ATP13A4: variants seen among roughly 807,000 people sequenced by gnomAD.
The protein encoded by ATP13A4 is ATPase 13A4.
A neutral mutation model predicts 142.5 loss-of-function variants in ATP13A4; 114 were observed. The observed-to-expected ratio is 0.80, with a 90% CI of 0.69 to 0.93. ATP13A4 has a LOEUF of 0.93. ATP13A4 is among the 40% of genes least tolerant of loss of function. ATP13A4 has a pLI of 0.00. For missense variants in ATP13A4, 1,392 were observed against 1,454.0 expected, an observed-to-expected ratio of 0.96 and a Z score of 0.69; for synonymous variants, 488 against 514.8, an observed-to-expected ratio of 0.95 and a Z score of 0.70.
chr3:193,452,955 T>C (rs1017635757), intron 17 of ATP13A4, among the ~76,000 whole-genome samples: 4 of 152,070 alleles, frequency 2.6e-5, no homozygotes, highest in African/African-American at 9.7e-5. Flanking sequence ...TTGTACTGTT[T>C]TTTTCAGAGT....
rs967037476 is a variant in ATP13A4 at position 193,457,138 on chromosome 3, T to C, written c.1777A>G (p.Ile593Val). Residue 593 changes from isoleucine to valine, a missense_variant, in exon 16 of 30, where the codon ATT becomes GTT. Coordinates refer to ENST00000342695, the MANE Select transcript of ATP13A4 (RefSeq NM_032279.4). ...RTASQVPVEG[I>V]AILHQFPFSS... Reference sequence around the variant, plus strand: ...AATGGGAACTGATGCAGGATTGCAATTCCTTCCACTGGGACCTGGTTGAGG... The same window carrying C: ...AATGGGAACTGATGCAGGATTGCAACTCCTTCCACTGGGACCTGGTTGAGG... The C allele has an allele frequency of 2.5e-6, 4 of 1,613,120 alleles. No homozygotes were observed. The South Asian group carries it at 3.3e-5, about 13-fold the overall frequency.
At position 193,471,100 on chromosome 3, in the gene ATP13A4, T is replaced by G. The variant is rs1718596256; in HGVS notation, c.809-107A>C. Reference sequence around the variant, plus strand: ...ATGAAAAAGCAACCAAGACATTTTTTTTTTAGAAAGGAGAACATTCCTCAA... The same window carrying G: ...ATGAAAAAGCAACCAAGACATTTTTGTTTTAGAAAGGAGAACATTCCTCAA... On this transcript the variant is annotated intron_variant, in intron 8 of 29. Coordinates refer to ENST00000342695, the MANE Select transcript of ATP13A4 (RefSeq NM_032279.4). The G allele has an allele frequency of 3.3e-6, 5 of 1,502,814 alleles. No individual in the cohort carries two copies. In the African/African-American group the frequency reaches 4.2e-5, roughly 12 times the overall value. 93.1% of individuals were successfully genotyped at this position (1,502,814 alleles called of 1,614,324 possible).
At chr3:193,581,928 G>C (rs1386498119) in intron 1 of ATP13A4, 5 of 151,908 alleles carry the variant, frequency 3.3e-5, no homozygotes, top group Admixed American at 3.3e-4. Context: ...AACATAAACC[G>C]AGAATGCATC....
rs1723604967 is a variant in ATP13A4 at position 193,552,030 on chromosome 3, A to G, written c.60+2710T>C. Reference sequence around the variant, plus strand: ...TGCTCTGTTGCCAGGCTGGAGTGCCATGGCGCGATCTTGGCTCACTGCAAC... The same window carrying G: ...TGCTCTGTTGCCAGGCTGGAGTGCCGTGGCGCGATCTTGGCTCACTGCAAC... On this transcript the variant is annotated intron_variant, in intron 1 of 29. Coordinates refer to ENST00000342695, the MANE Select transcript of ATP13A4 (RefSeq NM_032279.4). Among the ~76,000 whole-genome samples, 4 of 152,136 alleles carry G rather than the reference A, an allele frequency of 2.6e-5. No homozygotes were observed. In the South Asian group the frequency reaches 6.2e-4, roughly 24 times the overall value.
rs149226959 is a variant in ATP13A4 at position 193,441,254 on chromosome 3, G to A, written c.2439+212C>T. On this transcript the variant is annotated intron_variant, in intron 20 of 29. Transcript: ENST00000342695. ...CACTGATACTTCAATCCTATAGATG[G>A]TGGAAAATTGACTAATCAAGTTTAT... Among the ~76,000 whole-genome samples, 719 of 152,206 alleles carry A rather than the reference G, an allele frequency of 4.7e-3. 10 individuals carry two copies. The highest frequency in any genetic ancestry group is 0.017 in the African/African-American group (687 of 41,512).
intron 25 of ATP13A4, among the ~76,000 whole-genome samples, chr3:193,429,733 GT>G (rs1341069743): frequency 6.6e-6 from 1 of 151,734 alleles, no homozygotes; most frequent in African/African-American, 2.4e-5. Context: ...TGTAATTCAT[GT>G]CCCTAAATTA....
At chr3:193,531,143 C>T (rs1279886283) in intron 1 of ATP13A4, among the ~76,000 whole-genome samples, 1 of 152,016 alleles carries the variant, frequency 6.6e-6, no homozygotes. Flanking sequence ...TCTCACAGCA[C>T]CTTGCATATA....
intron 2 of ATP13A4, among the ~76,000 whole-genome samples, chr3:193,509,223 T>C (rs559893138): frequency 6.6e-6 from 1 of 152,318 alleles, no homozygotes; most frequent in South Asian, 2.1e-4. Context: ...CAGAAAGCCT[T>C]CCCTGACTGT....
intron 2 of ATP13A4, among the ~76,000 whole-genome samples, chr3:193,506,677 G>A (rs1720878685): frequency 6.6e-6 from 1 of 152,140 alleles, no homozygotes; most frequent in South Asian, 2.1e-4. Context: ...CCAGTGGGGG[G>A]TAATTTAATC....
chr3:193,459,362 C>T lies in ATP13A4; in HGVS notation c.1524-131G>A, dbSNP rs1340270782. The T allele has an allele frequency of 2.6e-6, 3 of 1,146,894 alleles. No individual in the cohort carries two copies. In the Admixed American group the frequency reaches 6.0e-5, roughly 23 times the overall value. 71.0% of individuals were successfully genotyped at this position (1,146,894 alleles called of 1,614,324 possible). On this transcript the variant is annotated intron_variant, in intron 13 of 29. Transcript: ENST00000342695. ...GTTGCATTAATAGCCACTCTCCAATCCTCCCACATTAATAGTGCTTCATTC... is the reference window on the plus strand; with the variant it reads ...GTTGCATTAATAGCCACTCTCCAATTCTCCCACATTAATAGTGCTTCATTC...
rs1452407478 is a variant in ATP13A4, at chr3:193,439,035, G to A, written c.2550C>T (p.Ala850=). ...GGTAGCTACTTACCCCACAGTCATT[G>A]GCTCCATCACCACACATACCTACAA... ...DYFVGMCGDG[A]NDCGALKMAH... The change falls in exon 22 of 30, where the codon GCC becomes GCT. Residue 850 remains alanine (A), a synonymous_variant. Coordinates refer to ENST00000342695, the MANE Select transcript of ATP13A4 (RefSeq NM_032279.4). 6.2e-7 allele frequency: 1 copy of A among 1,610,156 alleles called. No individual in the cohort carries two copies. The highest frequency in any genetic ancestry group is 8.5e-7 in the Non-Finnish European group (1 of 1,176,556).
intron 2 of ATP13A4, 88 bp from the exon 3 acceptor site, chr3:193,502,727 T>C: frequency 7.4e-7 from 1 of 1,358,342 alleles, no homozygotes; most frequent in East Asian, 2.3e-5. Context: ...TTAATATAAT[T>C]CTGTAAGTGT....
In ATP13A4 at chr3:193,457,443, T is replaced by C. The variant is rs1445353901; in HGVS notation, c.1697A>G (p.Asp566Gly). Residue 566 changes from aspartate to glycine, a missense_variant, in exon 15 of 30, where the codon GAT becomes GGT. Asp to Gly is a moderately conservative substitution (Grantham distance 94). Transcript: ENST00000342695. ...TTWEMAFSGD[D>G]FHIKGVPAHA... The stretch of plus-strand genomic sequence containing the variant: ...TGCCGGCACTCCCTTGATGTGGAAA[T>C]CGTCCCCAGAAAAAGCCATTTCCTA... The C allele has an allele frequency of 1.9e-6, 3 of 1,614,170 alleles. No individual in the cohort carries two copies. In the South Asian group the frequency reaches 3.3e-5, roughly 18 times the overall value.
chr3:193,405,428 TGG>T lies in ATP13A4; in HGVS notation c.3378+1883_3378+1884del, dbSNP rs1348584763. Among the ~76,000 whole-genome samples the T allele has an allele frequency of 8.5e-5, 13 of 152,346 alleles. No homozygotes were observed. The East Asian group carries it at 2.3e-3, about 27-fold the overall frequency. On this transcript the variant is annotated intron_variant, in intron 29 of 29. Coordinates refer to ENST00000342695, the MANE Select transcript of ATP13A4 (RefSeq NM_032279.4). ...CGATAAAGCATAAAAGGAAGTCTGC[TGG>T]TGAGCTTCAGGAAAAGTTTGTTTCT...
intron 8 of ATP13A4, among the ~76,000 whole-genome samples, chr3:193,472,289 C>G (rs1245449948): frequency 6.6e-6 from 1 of 152,198 alleles, no homozygotes; most frequent in Non-Finnish European, 1.5e-5. Flanking sequence ...GCTATGCGCT[C>G]CATCCCACCT....
At chr3:193,463,426 A>T (rs1718077904) in intron 12 of ATP13A4, among the ~76,000 whole-genome samples, 2 of 73,200 alleles carry the variant, frequency 2.7e-5, no homozygotes, top group African/African-American at 1.6e-4. Flanking sequence ...CTATTTGGTA[A>T]AAAAAAAAAA....
intron 1 of ATP13A4, among the ~76,000 whole-genome samples, chr3:193,545,047 A>T (rs1223429275): frequency 6.6e-6 from 1 of 152,240 alleles, no homozygotes; most frequent in Non-Finnish European, 1.5e-5. Flanking sequence ...CTCATCAGAA[A>T]TATATCAAAT....
At position 193,578,217 on chromosome 3, in the gene ATP13A4, G is replaced by A. The variant is rs144468378; in HGVS notation, n.291+3490C>T. Among the ~76,000 whole-genome samples, 847 of 152,072 alleles carry A rather than the reference G, an allele frequency of 5.6e-3. 11 individuals carry two copies. Among genetic ancestry groups the A allele is most frequent in the African/African-American group, 0.019 (793 of 41,460 alleles). The stretch of plus-strand genomic sequence containing the variant: ...CTGAGGCAGGAGCATTACTTGAACC[G>A]AGGAGACGGAGGTTGCAGTGAGCCA... On this transcript the variant is annotated intron_variant and non_coding_transcript_variant, in intron 2 of 3. Transcript: ENST00000489140.
Position 193,575,538 on chromosome 3 carries a change from G to A in ATP13A4, n.291+6169C>T, listed in dbSNP as rs188309922. Reference sequence around the variant, plus strand: ...CAATGGAGGAGAAGTGAGAAACGTGGCCAGGGAACAGAGATCAAGTTTCAA... The same window carrying A: ...CAATGGAGGAGAAGTGAGAAACGTGACCAGGGAACAGAGATCAAGTTTCAA... On this transcript the variant is annotated intron_variant and non_coding_transcript_variant, in intron 2 of 3. Transcript: ENST00000489140. Among the ~76,000 whole-genome samples, 201 of 152,222 alleles carry A rather than the reference G, an allele frequency of 1.3e-3. 3 individuals carry two copies. Among genetic ancestry groups the A allele is most frequent in the Non-Finnish European group, 1.6e-3 (108 of 68,030 alleles).
Sources: allele counts gnomAD v4.1 joint callset (sites outside exome capture counted in the v4.1 genomes callset), GRCh38; gene constraint gnomAD v4.1.1; transcripts MANE v1.5; gene names NCBI Gene and HGNC (gene_info 2026-07-23, HGNC 2026-07-21).